The following LAG3 variants were observed in gnomAD, a reference collection of about 807,000 sequenced individuals.
LAG3 encodes lymphocyte activating 3.
A neutral mutation model predicts 49.0 loss-of-function variants in LAG3; 29 were observed. The ratio of observed to expected loss-of-function variants is 0.59; its 90% confidence interval spans 0.44 to 0.81. The LOEUF (loss-of-function observed/expected upper bound fraction) is 0.81. Among genes scored for constraint, LAG3 ranks in the 30% least tolerant of loss-of-function variants. LAG3 has a pLI of 0.00. For synonymous variants in LAG3, 320 were observed against 297.3 expected (o/e 1.08, Z -0.79); for missense variants, 693 against 695.2 (o/e 1.00, Z 0.04).
intron 3 of LAG3, 52 bp from the exon 4 acceptor site, chr12:6,774,543 G>A: frequency 1.3e-6 from 2 of 1,572,082 alleles, no homozygotes; most frequent in Non-Finnish European, 1.7e-6. Context: ...GCCCTGCTGT[G>A]TTGGGAAATT....
At chr12:6,778,070 A>G (rs1416257321) in intron 7 of LAG3, 149 bp downstream of exon 7, 9 of 1,358,412 alleles carry the variant, frequency 6.6e-6, no homozygotes, top group Non-Finnish European at 9.2e-6. Flanking sequence ...CTCTCACTCC[A>G]GGGATGGCTT....
chr12:6,773,405 T>C lies in LAG3; in HGVS notation c.206+66T>C. On this transcript the variant is annotated intron_variant, in intron 2 of 7. Coordinates refer to ENST00000203629, the MANE Select transcript of LAG3 (RefSeq NM_002286.6). The surrounding 1 kb of genome is among the most constrained non-coding windows in gnomAD (Gnocchi z 5.5). ...GCACTCAACCCCACACCCGTGCCGG[T>C]CCTCTGTCCCCTGCCCTGAGGTGTC... 1 of 1,576,980 alleles carries C rather than the reference T, an allele frequency of 6.3e-7. No homozygotes were observed. Among genetic ancestry groups the C allele is most frequent in the Middle Eastern group, 1.7e-4 (1 of 5,986 alleles).
chr12:6,777,564 T>C, intron 6 of LAG3, 58 bp downstream of exon 6: 1 of 1,578,402 alleles, frequency 6.3e-7, no homozygotes. Flanking sequence ...TTATCCTCCT[T>C]CCAGAACAGC....
intron 3 of LAG3, 116 bp from the exon 4 acceptor site, chr12:6,774,479 G>A: frequency 8.5e-7 from 1 of 1,171,604 alleles, no homozygotes; most frequent in Non-Finnish European, 1.2e-6. Flanking sequence ...ATGTGGGAGA[G>A]GAGAAGACAA....
At position 6,778,246 on chromosome 12, in the gene LAG3, GC is replaced by G; in HGVS notation, c.1435del (p.Arg479AspfsTer8). The G allele has an allele frequency of 6.3e-7, 1 of 1,582,844 alleles. No individual in the cohort carries two copies. ...FGFHLWRRQW[R>X]PRRFSALEQG... ...TCTCTCTCCATCTCTTCTCACAGTG[GC>G]GACCAAGACGATTTTCTGCCTTAGA... On this transcript the variant is annotated frameshift_variant, in exon 8 of 8. Transcript: ENST00000203629. LOFTEE classifies it low-confidence loss of function (END_TRUNC).
intron 4 of LAG3, 131 bp downstream of exon 4, chr12:6,774,995 G>C: frequency 1.0e-6 from 1 of 962,062 alleles, no homozygotes. Flanking sequence ...GGGTCTCACT[G>C]TTCGACCCCT....
intron 3 of LAG3, 30 bp from the exon 4 acceptor site, chr12:6,774,565 G>C: frequency 6.3e-7 from 1 of 1,594,832 alleles, no homozygotes; most frequent in Non-Finnish European, 8.6e-7. Flanking sequence ...TTTCCAGTGG[G>C]CTGATGAAGT....
chr12:6,774,187 G>C (rs1941877358), intron 3 of LAG3, among the ~76,000 whole-genome samples, 186 bp downstream of exon 3: 1 of 152,206 alleles, frequency 6.6e-6, no homozygotes, highest in Non-Finnish European at 1.5e-5. Flanking sequence ...GTGTATGGGG[G>C]GCCCTGTGGA....
chr12:6,774,179 G>GT (rs5796245), intron 3 of LAG3, among the ~76,000 whole-genome samples, 178 bp downstream of exon 3: 15,616 of 152,240 alleles, frequency 0.1, 1,122 homozygotes, highest in African/African-American at 0.19. Flanking sequence ...CGAAGCACGT[G>GT]TATGGGGGGC....
Position 6,778,284 on chromosome 12 carries a change from A to C in LAG3, c.1472A>C (p.His491Pro), listed in dbSNP as rs1592498079. ...RRFSALEQGI[H>P]PPQAQSKIEE... The stretch of plus-strand genomic sequence containing the variant: ...TTTTCTGCCTTAGAGCAAGGGATTC[A>C]CCCTCCGCAGGCTCAGAGCAAGATA... The change falls in exon 8 of 8, where the codon CAC (histidine) becomes CCC (proline). Residue 491 changes from histidine to proline, a missense_variant. His to Pro is a moderately conservative substitution (Grantham distance 77). Transcript: ENST00000203629. The C allele has an allele frequency of 6.2e-7, 1 of 1,612,318 alleles. No homozygotes were observed. Among genetic ancestry groups the C allele is most frequent in the East Asian group, 2.2e-5 (1 of 44,820 alleles).
At chr12:6,777,048 C>T (rs1941912731) in intron 5 of LAG3, among the ~76,000 whole-genome samples, 1 of 152,006 alleles carries the variant, frequency 6.6e-6, no homozygotes, top group Non-Finnish European at 1.5e-5. Flanking sequence ...TCCAGACTAG[C>T]CTGGGCAACA....
Position 6,777,393 on chromosome 12 carries a change from C to A in LAG3, c.1187C>A (p.Pro396His). 1 of 1,614,210 alleles carries A rather than the reference C, an allele frequency of 6.2e-7. No homozygotes were observed. The highest frequency in any genetic ancestry group is 8.5e-7 in the Non-Finnish European group (1 of 1,180,038). Residue 396 changes from proline to histidine, a missense_variant, in exon 6 of 8, where the codon CCT becomes CAT. By Grantham distance (77) the Pro-to-His change is moderately conservative. Coordinates refer to ENST00000203629, the MANE Select transcript of LAG3 (RefSeq NM_002286.6). Reference protein sequence around the residue: ...DTPSQRSFSGPWLEAQEAQLL... With the variant: ...DTPSQRSFSGHWLEAQEAQLL... ...CCATCCCAGAGGAGTTTCTCAGGACCTTGGCTGGAGGCACAGGAGGCCCAG... is the reference window on the plus strand; with the variant it reads ...CCATCCCAGAGGAGTTTCTCAGGACATTGGCTGGAGGCACAGGAGGCCCAG...
At position 6,775,300 on chromosome 12, in the gene LAG3, T is replaced by C. The variant is rs1941894331; in HGVS notation, c.809T>C (p.Val270Ala). 1 of 1,614,186 alleles carries C rather than the reference T, an allele frequency of 6.2e-7. No homozygotes were observed. Among genetic ancestry groups the C allele is most frequent in the Admixed American group, 1.7e-5 (1 of 60,034 alleles). Residue 270 changes from valine to alanine, a missense_variant, in exon 5 of 8, where the codon GTG becomes GCG. By Grantham distance (64) the Val-to-Ala change is moderately conservative. Transcript: ENST00000203629. ...LGLEPPTPLTVYAGAGSRVGL... is the reference protein window; with the variant it reads ...LGLEPPTPLTAYAGAGSRVGL... ...CTGGAGCCCCCAACTCCCTTGACAG[T>C]GTACGCTGGAGCAGGTTCCAGGGTG...
chr12:6,777,393 C>G lies in LAG3; in HGVS notation c.1187C>G (p.Pro396Arg). 6.2e-7 allele frequency: 1 copy of G among 1,614,210 alleles called. No homozygotes were observed. The highest frequency in any genetic ancestry group is 1.3e-5 in the African/African-American group (1 of 75,044). The change falls in exon 6 of 8, where the codon CCT (proline) becomes CGT (arginine). Residue 396 changes from proline to arginine, a missense_variant. By Grantham distance (103) the Pro-to-Arg change is moderately radical. Transcript: ENST00000203629. ...CCATCCCAGAGGAGTTTCTCAGGAC[C>G]TTGGCTGGAGGCACAGGAGGCCCAG... ...DTPSQRSFSGPWLEAQEAQLL... is the reference protein window; with the variant it reads ...DTPSQRSFSGRWLEAQEAQLL...
Position 6,774,270 on chromosome 12 carries a change from G to A in LAG3, c.511+269G>A, listed in dbSNP as rs377376090. Among the ~76,000 whole-genome samples the A allele has an allele frequency of 2.7e-4, 41 of 152,336 alleles. No individual in the cohort carries two copies. The East Asian group carries it at 5.0e-3, about 19-fold the overall frequency. ...GCCCAGAGGGAGGGGGAGGGGGGGAGAGCATGGGGCTAAAGTGATTCATTT... is the reference window on the plus strand; with the variant it reads ...GCCCAGAGGGAGGGGGAGGGGGGGAAAGCATGGGGCTAAAGTGATTCATTT... On this transcript the variant is annotated intron_variant, in intron 3 of 7. Transcript: ENST00000203629.
chr12:6,775,740 CTT>C (rs1463900974), intron 5 of LAG3, 192 bp downstream of exon 5: 11 of 603,058 alleles, frequency 1.8e-5, no homozygotes, highest in African/African-American at 1.1e-4. Flanking sequence ...AAAATCTCCT[CTT>C]GAGTCACAAG....
At position 6,778,318 on chromosome 12, in the gene LAG3, GGAGCAA is replaced by G. The variant is rs775190763; in HGVS notation, c.1509_1514del (p.Gln504_Glu505del). The G allele has an allele frequency of 2.2e-5, 35 of 1,613,432 alleles. No homozygotes were observed. ...AGGCTCAGAGCAAGATAGAGGAGCT[GGAGCAA>G]GAACCGGAGCCGGAGCCGGAGCCGG... On this transcript the variant is annotated inframe_deletion, in exon 8 of 8. Coordinates refer to ENST00000203629, the MANE Select transcript of LAG3 (RefSeq NM_002286.6).
Position 6,774,838 on chromosome 12 carries a change from C to T in LAG3, c.755C>T (p.Ser252Phe). Reference protein sequence around the residue: ...ILTYRDGFNVSIMYNLTVLGL... With the variant: ...ILTYRDGFNVFIMYNLTVLGL... Reference sequence around the variant, plus strand: ...ACCTACAGAGATGGCTTCAACGTCTCCATCATGTATAACCTCACTGTTCTG... The same window carrying T: ...ACCTACAGAGATGGCTTCAACGTCTTCATCATGTATAACCTCACTGTTCTG... Residue 252 changes from serine to phenylalanine, a missense_variant, in exon 4 of 8, where the codon TCC becomes TTC. Coordinates refer to ENST00000203629, the MANE Select transcript of LAG3 (RefSeq NM_002286.6). The T allele has an allele frequency of 6.2e-7, 1 of 1,614,096 alleles. No individual in the cohort carries two copies. The highest frequency in any genetic ancestry group is 8.5e-7 in the Non-Finnish European group (1 of 1,179,996).
In LAG3 at chr12:6,773,372, C is replaced by A; in HGVS notation, c.206+33C>A. The A allele has an allele frequency of 3.1e-6, 5 of 1,611,270 alleles. No homozygotes were observed. Among genetic ancestry groups the A allele is most frequent in the Non-Finnish European group, 4.2e-6 (5 of 1,179,364 alleles). On this transcript the variant is annotated intron_variant, in intron 2 of 7. Transcript: ENST00000203629. This position sits in a 1 kb window ranked among gnomAD's most constrained non-coding sequence, Gnocchi z 5.5. ...CCCCAAACTTGGGCAACAGGACCTC[C>A]GAATCCAGCACTCAACCCCACACCC...
Sources: allele counts gnomAD v4.1 joint callset (sites outside exome capture counted in the v4.1 genomes callset), GRCh38; gene constraint gnomAD v4.1.1; non-coding constraint Gnocchi (gnomAD v3.1); transcripts MANE v1.5; gene names NCBI Gene and HGNC (gene_info 2026-07-23, HGNC 2026-07-21).